The following MMP2 variants were observed in gnomAD, a reference collection of about 807,000 sequenced individuals.
MMP2 encodes 72 kDa type IV collagenase.
In MMP2, 39 loss-of-function variants were observed where a neutral mutation model predicts 74.8. That is an observed-to-expected ratio of 0.52 (90% CI 0.40 to 0.68). MMP2 has a LOEUF of 0.68. Ranked by LOEUF, MMP2 falls within the 30% of genes least tolerant of loss-of-function variation. MMP2 has a pLI of 0.00. For missense variants in MMP2, 803 were observed against 878.3 expected (o/e 0.91, Z 1.08); for synonymous variants, 367 against 339.8 (o/e 1.08, Z -0.88).
intron 6 of MMP2, 186 bp downstream of exon 6, chr16:55,488,902 G>T: frequency 1.5e-6 from 1 of 665,602 alleles, no homozygotes. Flanking sequence ...GGTATGGCCT[G>T]GGCACTGAAA....
intron 11 of MMP2, among the ~76,000 whole-genome samples, chr16:55,501,769 C>T (rs1396389346): frequency 6.6e-6 from 1 of 151,906 alleles, no homozygotes; most frequent in Non-Finnish European, 1.5e-5. Context: ...GGAAGGGAGC[C>T]CCCTAGGAGG....
intron 8 of MMP2, among the ~76,000 whole-genome samples, chr16:55,492,240 G>A (rs1276317468): frequency 6.6e-6 from 1 of 152,116 alleles, no homozygotes; most frequent in African/African-American, 2.4e-5. Context: ...AGGTCACCTG[G>A]TGCAAGGTTA....
intron 10 of MMP2, among the ~76,000 whole-genome samples, chr16:55,497,817 T>C (rs1426736803): frequency 6.6e-6 from 1 of 152,158 alleles, no homozygotes; most frequent in African/African-American, 2.4e-5. Context: ...TGGGCTCTTA[T>C]GAGGGGTAAA....
intron 7 of MMP2, 130 bp from the exon 8 acceptor site, chr16:55,491,671 A>C (rs1369943205): frequency 7.4e-6 from 8 of 1,077,280 alleles, no homozygotes; most frequent in Admixed American, 5.4e-5. Flanking sequence ...AAATCAATAC[A>C]TGCCGCTTCC....
Position 55,493,256 on chromosome 16 carries a change from G to A in MMP2, c.1435G>A (p.Ala479Thr), listed in dbSNP as rs778788986. 7 of 1,614,136 alleles carry A rather than the reference G, an allele frequency of 4.3e-6. No individual in the cohort carries two copies. Among genetic ancestry groups the A allele is most frequent in the South Asian group, 3.3e-5 (3 of 91,088 alleles). ...CKQDIVFDGI[A>T]QIRGEIFFFK... is the part of the protein sequence containing the mutation. ...ACAGGACATTGTATTTGATGGCATC[G>A]CTCAGATCCGTGGTGAGATCTTCTT... The change falls in exon 9 of 13, where the codon GCT becomes ACT. Residue 479 changes from alanine to threonine, a missense_variant. Physicochemically the swap from Ala to Thr is moderately conservative, Grantham distance 58. Transcript: ENST00000219070.
At chr16:55,481,608 T>C (rs1232254664) in intron 1 of MMP2, 1 of 468,818 alleles carries the variant, frequency 2.1e-6, no homozygotes, top group African/African-American at 2.0e-5. Flanking sequence ...CAGCCTCATC[T>C]TACCCAGCCC....
intron 12 of MMP2, among the ~76,000 whole-genome samples, chr16:55,504,918 C>T (rs1567384276): frequency 6.6e-6 from 1 of 151,928 alleles, no homozygotes; most frequent in Non-Finnish European, 1.5e-5. Flanking sequence ...TCCCAAAGTG[C>T]TGGGATTACA....
chr16:55,492,539 T>C (rs1273385538), intron 8 of MMP2, among the ~76,000 whole-genome samples: 2 of 151,818 alleles, frequency 1.3e-5, no homozygotes, highest in Non-Finnish European at 2.9e-5. Flanking sequence ...TATTTAATGG[T>C]CCAGGTGATA....
rs1962258690 is a variant in MMP2, at chr16:55,486,357, G to GCC, written c.832+580_832+581insCC. Among the ~76,000 whole-genome samples, 99 of 71,786 alleles carry GCC rather than the reference G, an allele frequency of 1.4e-3. 1 individual carries two copies. Among genetic ancestry groups the GCC allele is most frequent in the African/African-American group, 4.2e-3 (98 of 23,586 alleles). The allele number at this position is 71,786 out of a possible 152,430, so 47.1% of individuals were successfully genotyped here. On this transcript the variant is annotated intron_variant, in intron 5 of 12. Coordinates refer to ENST00000219070, the MANE Select transcript of MMP2 (RefSeq NM_004530.6). ...TGTGTGTGTGTGTGCCTGTGTGTGT[G>GCC]TGTGTGTGTGTGTGTGTGTGTGTGT...
In MMP2 at chr16:55,502,757, C is replaced by T. The variant is rs774704170; in HGVS notation, c.1770-22C>T. 2.5e-6 allele frequency: 4 copies of T among 1,600,752 alleles called. No homozygotes were observed. The East Asian group carries it at 8.9e-5, about 36-fold the overall frequency. On this transcript the variant is annotated intron_variant, in intron 11 of 12. Coordinates refer to ENST00000219070, the MANE Select transcript of MMP2 (RefSeq NM_004530.6). The stretch of plus-strand genomic sequence containing the variant: ...GTCCTTTAGAGAGGCCCTGCTGGTT[C>T]ACTGTGTCTGTTTCTTTACAGATAC...
Position 55,485,445 on chromosome 16 carries a change from T to A in MMP2, c.658+18T>A. ...AGGCCAAGGTGAGAAAGGGGCCCTCTGCATGCCCCAGACCTTCTCTCCTGT... is the reference window on the plus strand; with the variant it reads ...AGGCCAAGGTGAGAAAGGGGCCCTCAGCATGCCCCAGACCTTCTCTCCTGT... On this transcript the variant is annotated intron_variant, in intron 4 of 12. Transcript: ENST00000219070. The A allele has an allele frequency of 1.2e-6, 2 of 1,614,092 alleles. No individual in the cohort carries two copies. Among genetic ancestry groups the A allele is most frequent in the South Asian group, 2.2e-5 (2 of 91,074 alleles).
intron 8 of MMP2, 119 bp downstream of exon 8, chr16:55,492,075 C>T (rs534923436): frequency 3.4e-5 from 34 of 998,442 alleles, no homozygotes; most frequent in South Asian, 1.4e-4. Context: ...GTGCTGGAGA[C>T]GAGGGCAGGA....
Position 55,505,665 on chromosome 16 carries a change from C to G in MMP2, c.*223C>G, listed in dbSNP as rs556071860. The G allele has an allele frequency of 8.4e-4, 501 of 593,326 alleles. 4 individuals carry two copies. The African/African-American group carries it at 8.8e-3, about 10-fold the overall frequency. The allele number at this position is 593,326 out of a possible 1,614,324, so 36.8% of individuals were successfully genotyped here. A position where few individuals can be genotyped will look rare whatever the true frequency, so the allele number is the denominator to read the frequency against. The stretch of plus-strand genomic sequence containing the variant: ...TCCTCCCAGGCGCCCCTTCCCCCTC[C>G]AATCCCACCAACCCTCAGAGCCACC... On this transcript the variant is annotated 3_prime_UTR_variant, in exon 13 of 13. Transcript: ENST00000219070.
chr16:55,500,494 TACACAC>T (rs55996787), intron 11 of MMP2, among the ~76,000 whole-genome samples: 44,051 of 136,088 alleles, frequency 0.32, 7,371 homozygotes, highest in Admixed American at 0.4. Context: ...CATGTGCGCA[TACACAC>T]ACACACACAC....
At chr16:55,481,517 A>C in intron 1 of MMP2, 1 of 259,582 alleles carries the variant, frequency 3.9e-6, no homozygotes, top group Admixed American at 5.3e-5. Flanking sequence ...TATATGGTGA[A>C]ATCAGTCCTA....
chr16:55,481,621 C>G (rs765163706), intron 1 of MMP2: 62 of 480,158 alleles, frequency 1.3e-4, no homozygotes, highest in Non-Finnish European at 2.1e-4. Flanking sequence ...CCCAGCCCCC[C>G]ACTCAAGATG....
intron 1 of MMP2, among the ~76,000 whole-genome samples, chr16:55,480,321 C>A (rs1962066124): frequency 6.6e-6 from 1 of 152,108 alleles, no homozygotes; most frequent in Non-Finnish European, 1.5e-5. Flanking sequence ...GCTTAATGGA[C>A]AAATTGGTCA....
rs895313510 is a variant in MMP2, at chr16:55,497,151, A to C, written c.1609+89A>C. On this transcript the variant is annotated intron_variant, in intron 10 of 12. Transcript: ENST00000219070. Reference sequence around the variant, plus strand: ...TGTCCCAGGCTCACTCCCCCTCTCAAACCACAGTTCCTATGCACCCGTGGG... The same window carrying C: ...TGTCCCAGGCTCACTCCCCCTCTCACACCACAGTTCCTATGCACCCGTGGG... 5 of 1,570,134 alleles carry C rather than the reference A, an allele frequency of 3.2e-6. No homozygotes were observed. In the African/African-American group the frequency reaches 4.1e-5, roughly 13 times the overall value.
At chr16:55,498,055 G>A (rs1962573351) in intron 10 of MMP2, among the ~76,000 whole-genome samples, 1 of 152,210 alleles carries the variant, frequency 6.6e-6, no homozygotes, top group Admixed American at 6.5e-5. Context: ...GGTGAGCAGA[G>A]TGTGAGCTGG....
Sources: gnomAD v4.1 joint callset for allele counts (sites outside exome capture counted in the v4.1 genomes callset) on GRCh38, gnomAD v4.1.1 for gene constraint, MANE v1.5 for transcripts, NCBI Gene and HGNC (gene_info 2026-07-23, HGNC 2026-07-21) for gene names.